Variants in GABRG3 observed in about 807,000 individuals in gnomAD.
The protein encoded by GABRG3 is gamma-aminobutyric acid type A receptor subunit gamma3, also known as gamma-aminobutyric acid receptor subunit gamma-3.
Under a neutral mutation model 48.8 loss-of-function variants are expected in GABRG3, and 25 were observed. The observed-to-expected ratio is 0.51, with a 90% confidence interval of 0.37 to 0.72. The LOEUF is 0.72. Ranked by LOEUF, GABRG3 falls within the 30% of genes least tolerant of loss-of-function variation. The pLI, the probability that GABRG3 is intolerant of heterozygous loss-of-function variation, is 0.00. For synonymous variants in GABRG3, 227 were observed against 217.6 expected (o/e 1.04, Z -0.38); for missense variants, 394 against 577.9 (o/e 0.68, Z 3.26).
chr15:27,254,728 A>C (rs562212408), intron 3 of GABRG3, among the ~76,000 whole-genome samples: 1 of 152,208 alleles, frequency 6.6e-6, no homozygotes, highest in Non-Finnish European at 1.5e-5. Context: ...CTTCTAAAAT[A>C]ATCACTTTGG....
At chr15:27,393,028 A>C (rs1435676744) in intron 5 of GABRG3, among the ~76,000 whole-genome samples, 1 of 152,100 alleles carries the variant, frequency 6.6e-6, no homozygotes, top group African/African-American at 2.4e-5. Context: ...GCCCCGGTTC[A>C]TTTCAGTAGA....
intron 3 of GABRG3, among the ~76,000 whole-genome samples, chr15:27,233,027 C>T (rs1170476060): frequency 2.6e-5 from 4 of 152,140 alleles, no homozygotes; most frequent in East Asian, 1.9e-4. Flanking sequence ...CACCCAGGCC[C>T]CAGGCACCTC....
At chr15:27,197,295 T>G (rs1771288002) in intron 3 of GABRG3, among the ~76,000 whole-genome samples, 1 of 152,172 alleles carries the variant, frequency 6.6e-6, no homozygotes, top group African/African-American at 2.4e-5. Context: ...TACTTTTCAT[T>G]TAAAATTCAA....
intron 5 of GABRG3, among the ~76,000 whole-genome samples, chr15:27,425,814 A>AT (rs1190616309): frequency 6.6e-6 from 1 of 152,154 alleles, no homozygotes; most frequent in African/African-American, 2.4e-5. Context: ...GGAATGGACT[A>AT]TTTTTAGTAA....
chr15:27,133,665 T>G (rs1159928038), intron 3 of GABRG3, among the ~76,000 whole-genome samples: 1 of 152,212 alleles, frequency 6.6e-6, no homozygotes, highest in Non-Finnish European at 1.5e-5. Flanking sequence ...TGGGAGAGCT[T>G]TTTATTAGTT....
intron 6 of GABRG3, among the ~76,000 whole-genome samples, chr15:27,517,428 C>T (rs1377191018): frequency 1.3e-5 from 2 of 152,224 alleles, no homozygotes; most frequent in Non-Finnish European, 2.9e-5. Flanking sequence ...AAGCTAATAA[C>T]CATGGATGCC....
intron 3 of GABRG3, among the ~76,000 whole-genome samples, chr15:27,234,016 A>AGAGG (rs1889882509): frequency 6.6e-6 from 1 of 152,224 alleles, no homozygotes; most frequent in Non-Finnish European, 1.5e-5. Flanking sequence ...CACCTATGGG[A>AGAGG]GAGGGAGCTT....
chr15:27,013,722 T>C (rs143701214), intron 2 of GABRG3, among the ~76,000 whole-genome samples: 1 of 152,260 alleles, frequency 6.6e-6, no homozygotes, highest in African/African-American at 2.4e-5. Context: ...GTTCCATTGG[T>C]CTCTATATCT....
intron 9 of GABRG3, among the ~76,000 whole-genome samples, chr15:27,532,020 T>A (rs1464562190): frequency 6.6e-6 from 1 of 152,248 alleles, no homozygotes; most frequent in East Asian, 1.9e-4. Context: ...GATCCTCTCA[T>A]CATTCCTGCA....
intron 3 of GABRG3, among the ~76,000 whole-genome samples, chr15:27,225,330 C>T (rs113217255): frequency 2.3e-4 from 35 of 152,120 alleles, no homozygotes; most frequent in African/African-American, 8.2e-4. Flanking sequence ...CTGGAGCCGC[C>T]ACCTCCCCGC....
intron 3 of GABRG3, among the ~76,000 whole-genome samples, chr15:27,257,016 A>G (rs1362028537): frequency 6.6e-6 from 1 of 152,160 alleles, no homozygotes; most frequent in Admixed American, 6.5e-5. Flanking sequence ...TAATGGCTAT[A>G]CTAATTTACA....
chr15:27,409,334 A>G (rs1468081497), intron 5 of GABRG3, among the ~76,000 whole-genome samples: 1 of 152,106 alleles, frequency 6.6e-6, no homozygotes, highest in African/African-American at 2.4e-5. Context: ...TTCAAGCACC[A>G]TTTGTTGAGA....
At chr15:27,382,821 C>A (rs1344884622) in intron 5 of GABRG3, among the ~76,000 whole-genome samples, 1 of 151,780 alleles carries the variant, frequency 6.6e-6, no homozygotes, top group Non-Finnish European at 1.5e-5. Flanking sequence ...GAGATGAGGA[C>A]CACCGTGGGA....
chr15:27,284,965 C>T (rs1891559254), intron 3 of GABRG3, among the ~76,000 whole-genome samples: 1 of 152,102 alleles, frequency 6.6e-6, no homozygotes, highest in Non-Finnish European at 1.5e-5. Context: ...AGAGATGAAT[C>T]CCAGGCTTTT....
chr15:27,383,464 C>G (rs1895836562), intron 5 of GABRG3, among the ~76,000 whole-genome samples: 1 of 152,152 alleles, frequency 6.6e-6, no homozygotes. Flanking sequence ...CTCAGTGTTC[C>G]TGTCTGAAAA....
intron 3 of GABRG3, among the ~76,000 whole-genome samples, chr15:27,308,435 GTT>G (rs906417159): frequency 7.0e-6 from 1 of 143,684 alleles, no homozygotes; most frequent in Non-Finnish European, 1.5e-5. Context: ...AAACATACCT[GTT>G]TATATAAACA....
At chr15:27,181,183 A>G (rs1004231705) in intron 3 of GABRG3, among the ~76,000 whole-genome samples, 2 of 152,138 alleles carry the variant, frequency 1.3e-5, no homozygotes, top group Non-Finnish European at 2.9e-5. Context: ...GGAAGGACCA[A>G]TGCTAGCTGC....
At chr15:26,973,955 G>C (rs1894890221) in intron 1 of GABRG3, among the ~76,000 whole-genome samples, 1 of 152,196 alleles carries the variant, frequency 6.6e-6, no homozygotes, top group Non-Finnish European at 1.5e-5. Context: ...AGAATTTAGG[G>C]AAAAGAGAAT....
At chr15:27,240,175 C>T (rs1890092099) in intron 3 of GABRG3, among the ~76,000 whole-genome samples, 1 of 152,122 alleles carries the variant, frequency 6.6e-6, no homozygotes, top group South Asian at 2.1e-4. Context: ...TCTGAGGCCC[C>T]CTCAATGTTG....
Sources: allele counts gnomAD v4.1 joint callset (sites outside exome capture counted in the v4.1 genomes callset), GRCh38; gene constraint gnomAD v4.1.1; transcripts MANE v1.5; gene names NCBI Gene and HGNC (gene_info 2026-07-23, HGNC 2026-07-21).